The following DLEU7 variants were observed in gnomAD, a reference collection of about 807,000 sequenced individuals.
DLEU7 encodes deleted in lymphocytic leukemia 7.
A neutral mutation model predicts 16.0 loss-of-function variants in DLEU7; 17 were observed. The ratio of observed to expected loss-of-function variants is 1.06; its 90% CI spans 0.73 to 1.59. The LOEUF (loss-of-function observed/expected upper bound fraction) is 1.59. Ranked by LOEUF, DLEU7 falls within the 40% of genes most tolerant of loss-of-function variation. DLEU7 has a pLI of 0.00. For synonymous variants in DLEU7, 113 were observed against 139.8 expected, an observed-to-expected ratio of 0.81 and a Z score of 1.35; for missense variants, 308 against 314.9, an observed-to-expected ratio of 0.98 and a Z score of 0.17.
chr13:50,813,692 A>G (rs1388285037), intron 1 of DLEU7, among the ~76,000 whole-genome samples: 1 of 152,144 alleles, frequency 6.6e-6, no homozygotes, highest in Non-Finnish European at 1.5e-5. Flanking sequence ...TAAGCAATAT[A>G]TATATTTTAA....
chr13:50,779,481 T>C (rs528048274), intron 1 of DLEU7, among the ~76,000 whole-genome samples: 2 of 152,254 alleles, frequency 1.3e-5, no homozygotes, highest in East Asian at 3.9e-4. Flanking sequence ...TGAGGCCCAA[T>C]TGCATTGTGG....
At chr13:50,720,206 C>T (rs2137705595) in intron 1 of DLEU7, among the ~76,000 whole-genome samples, 1 of 152,264 alleles carries the variant, frequency 6.6e-6, no homozygotes, top group Non-Finnish European at 1.5e-5. Flanking sequence ...GTCCCTTTTG[C>T]CTTCTACTTT....
At position 50,757,201 on chromosome 13, in the gene DLEU7, C is replaced by T. The variant is rs1289919257; in HGVS notation, c.460-43961G>A. Among the ~76,000 whole-genome samples the T allele has an allele frequency of 5.3e-5, 8 of 152,322 alleles. No homozygotes were observed. The South Asian group carries it at 1.7e-3, about 32-fold the overall frequency. On this transcript the variant is annotated intron_variant, in intron 1 of 1. Transcript: ENST00000400393. ...TGCAAGCCTCTGCACACTGCTCTGT[C>T]CATCTGAGTCAGAGCTGCAATCTAG...
At chr13:50,827,420 T>G (rs1356896256) in intron 1 of DLEU7, among the ~76,000 whole-genome samples, 1 of 152,068 alleles carries the variant, frequency 6.6e-6, no homozygotes, top group Non-Finnish European at 1.5e-5. Context: ...GGCTCATGCC[T>G]GTAATCCCAA....
intron 1 of DLEU7, among the ~76,000 whole-genome samples, chr13:50,751,880 C>A (rs1473896388): frequency 6.6e-6 from 1 of 150,544 alleles, no homozygotes; most frequent in African/African-American, 2.5e-5. Flanking sequence ...TTTCAAAGAA[C>A]CAGCTTTTTG....
At chr13:50,826,475 C>T (rs1877090679) in intron 1 of DLEU7, among the ~76,000 whole-genome samples, 3 of 151,694 alleles carry the variant, frequency 2.0e-5, no homozygotes, top group Admixed American at 2.0e-4. Flanking sequence ...ATGAGGAAAC[C>T]AGATAATAAA....
intron 1 of DLEU7, among the ~76,000 whole-genome samples, chr13:50,745,048 C>G (rs1566236184): frequency 6.6e-6 from 1 of 152,094 alleles, no homozygotes; most frequent in Non-Finnish European, 1.5e-5. Flanking sequence ...GCCATATGAC[C>G]CAGTAATTTC....
intron 1 of DLEU7, among the ~76,000 whole-genome samples, chr13:50,724,649 A>C (rs1873717066): frequency 6.6e-6 from 1 of 152,202 alleles, no homozygotes; most frequent in Admixed American, 6.5e-5. Context: ...ATGATAGAGG[A>C]GATTCTGTCA....
chr13:50,783,749 G>A (rs889751231), intron 1 of DLEU7, among the ~76,000 whole-genome samples: 6 of 152,204 alleles, frequency 3.9e-5, no homozygotes, highest in Non-Finnish European at 7.3e-5. Flanking sequence ...TGCTGGAGAC[G>A]TACTGGTGAG....
At chr13:50,838,258 C>T (rs1231361055) in intron 1 of DLEU7, among the ~76,000 whole-genome samples, 1 of 152,214 alleles carries the variant, frequency 6.6e-6, no homozygotes, top group Non-Finnish European at 1.5e-5. Context: ...CCAGAATGCG[C>T]TCATTGAAAC....
At chr13:50,766,016 T>C (rs145192667) in intron 1 of DLEU7, among the ~76,000 whole-genome samples, 6 of 152,234 alleles carry the variant, frequency 3.9e-5, no homozygotes, top group African/African-American at 1.4e-4. Context: ...ATGTACTCTT[T>C]AGTAGGAGGG....
chr13:50,809,510 G>A (rs887827753), intron 1 of DLEU7, among the ~76,000 whole-genome samples: 6 of 152,116 alleles, frequency 3.9e-5, no homozygotes, highest in African/African-American at 1.4e-4. Flanking sequence ...TCTCAGAGGA[G>A]TGAGAATTCA....
At chr13:50,786,728 A>AT (rs1423933641) in intron 1 of DLEU7, among the ~76,000 whole-genome samples, 1 of 152,196 alleles carries the variant, frequency 6.6e-6, no homozygotes, top group African/African-American at 2.4e-5. Context: ...AAAATCCTTT[A>AT]TTTTTTAACT....
At chr13:50,820,733 G>A (rs1488216154), downstream of DLEU7, among the ~76,000 whole-genome samples, 3 of 152,034 alleles carry the variant, frequency 2.0e-5, no homozygotes, top group Non-Finnish European at 4.4e-5. Flanking sequence ...CCAGAACAGC[G>A]CTATCTCATA....
chr13:50,842,390 A>G (rs1877695596), intron 1 of DLEU7, among the ~76,000 whole-genome samples: 2 of 152,210 alleles, frequency 1.3e-5, no homozygotes, highest in Admixed American at 1.3e-4. Flanking sequence ...AATGTCTCAG[A>G]GAGATTCGTG....
chr13:50,721,166 C>A (rs909496347), intron 1 of DLEU7, among the ~76,000 whole-genome samples: 1 of 152,234 alleles, frequency 6.6e-6, no homozygotes, highest in African/African-American at 2.4e-5. Context: ...TTTCTCCCCT[C>A]CTGGATGCTT....
intron 1 of DLEU7, among the ~76,000 whole-genome samples, chr13:50,758,807 G>T (rs180764103): frequency 1.3e-5 from 2 of 152,220 alleles, no homozygotes; most frequent in African/African-American, 2.4e-5. Flanking sequence ...CAAGAAAGAA[G>T]CCATAGTCTT....
chr13:50,787,365 T>C (rs1875816717), intron 1 of DLEU7, among the ~76,000 whole-genome samples: 1 of 152,170 alleles, frequency 6.6e-6, no homozygotes, highest in Non-Finnish European at 1.5e-5. Context: ...ATTGTCTGCA[T>C]TCTCTGTTGT....
chr13:50,753,403 G>C (rs1874643802), intron 1 of DLEU7, among the ~76,000 whole-genome samples: 1 of 152,228 alleles, frequency 6.6e-6, no homozygotes. Flanking sequence ...AGCACACGGA[G>C]GGGGTGGGAG....
Sources: allele counts gnomAD v4.1 joint callset (sites outside exome capture counted in the v4.1 genomes callset), GRCh38; gene constraint gnomAD v4.1.1; transcripts MANE v1.5; gene names NCBI Gene and HGNC (gene_info 2026-07-23, HGNC 2026-07-21).